The following RPS6KA5 variants were observed in gnomAD, a reference collection of about 807,000 sequenced individuals.
The protein encoded by RPS6KA5 is ribosomal protein S6 kinase A5.
Under a neutral mutation model 85.5 loss-of-function variants are expected in RPS6KA5, and 27 were observed. The ratio of observed to expected loss-of-function variants is 0.32; its 90% CI spans 0.23 to 0.44. RPS6KA5 has a LOEUF of 0.44. Ranked by LOEUF, RPS6KA5 falls within the 20% of genes least tolerant of loss-of-function variation. The probability of loss-of-function intolerance (pLI) is 1.00; values close to 1 mark genes in which losing one functional copy is unlikely to be tolerated. For missense variants in RPS6KA5, 811 were observed against 980.9 expected, an observed-to-expected ratio of 0.83 and a Z score of 2.31; for synonymous variants, 334 against 348.2, an observed-to-expected ratio of 0.96 and a Z score of 0.46.
intron 3 of RPS6KA5, among the ~76,000 whole-genome samples, chr14:90,962,438 G>C (rs2038852720): frequency 6.6e-6 from 1 of 151,790 alleles, no homozygotes; most frequent in Admixed American, 6.6e-5. Context: ...CAAGTAGCTG[G>C]GACTATAGGT....
chr14:90,910,901 C>T (rs911567571), intron 7 of RPS6KA5, among the ~76,000 whole-genome samples: 1 of 151,782 alleles, frequency 6.6e-6, no homozygotes, highest in Non-Finnish European at 1.5e-5. Flanking sequence ...TAGCCAGGAT[C>T]GTCTCGATCT....
chr14:91,041,337 A>G (rs913484406), intron 1 of RPS6KA5, among the ~76,000 whole-genome samples: 8 of 152,254 alleles, frequency 5.3e-5, no homozygotes, highest in Non-Finnish European at 1.2e-4. Flanking sequence ...ATCACAAAAC[A>G]TAAGCTTCTT....
At chr14:90,989,656 C>A (rs762850673) in intron 2 of RPS6KA5, among the ~76,000 whole-genome samples, 1 of 152,088 alleles carries the variant, frequency 6.6e-6, no homozygotes, top group Admixed American at 6.5e-5. Context: ...AAAAGGAAGG[C>A]AGCAGAGAGA....
chr14:90,992,105 T>C (rs763926405), intron 2 of RPS6KA5, among the ~76,000 whole-genome samples: 1 of 152,160 alleles, frequency 6.6e-6, no homozygotes, highest in African/African-American at 2.4e-5. Context: ...AAAAAATTTA[T>C]CTTAAAAAGG....
In RPS6KA5 at chr14:91,030,611, GAAAAAAAAAAAAAAAAA is replaced by G. The variant is rs58737573; in HGVS notation, c.104-29469_104-29453del. 1.4e-4 allele frequency among the ~76,000 whole-genome samples: 3 copies of G among 22,024 alleles called. 1 individual carries two copies. The highest frequency in any genetic ancestry group is 3.9e-4 in the African/African-American group (3 of 7,706). The allele number at this position is 22,024 out of a possible 152,430, so 14.4% of individuals were successfully genotyped here. ...AACATGCAAGACACCAAAATAAACA[GAAAAAAAAAAAAAAAAA>G]AAAAAAAAAAAGGAAGTTCAGAAGA... is the stretch of plus-strand genomic sequence containing the variant. On this transcript the variant is annotated intron_variant, in intron 1 of 16. Transcript: ENST00000614987.
At chr14:90,893,917 T>C (rs2034690992) in intron 13 of RPS6KA5, 2 of 730,818 alleles carry the variant, frequency 2.7e-6, no homozygotes, top group Admixed American at 6.3e-5. Context: ...AGCACGATCA[T>C]AGAAAAGCAC....
chr14:90,960,969 G>A (rs961446247), intron 3 of RPS6KA5, among the ~76,000 whole-genome samples: 8 of 152,128 alleles, frequency 5.3e-5, no homozygotes, highest in Non-Finnish European at 1.2e-4. Context: ...TACACTCCTG[G>A]CTACTGACGT....
intron 12 of RPS6KA5, among the ~76,000 whole-genome samples, chr14:90,895,850 A>T (rs2034809644): frequency 6.6e-6 from 1 of 152,238 alleles, no homozygotes; most frequent in East Asian, 1.9e-4. Context: ...TCACTGTGCC[A>T]CTGCACTCCA....
chr14:90,982,977 G>A (rs1323682996), intron 2 of RPS6KA5, among the ~76,000 whole-genome samples: 1 of 152,132 alleles, frequency 6.6e-6, no homozygotes, highest in Non-Finnish European at 1.5e-5. Context: ...GGCAGGGGTC[G>A]TGGTGGGCAC....
intron 1 of RPS6KA5, among the ~76,000 whole-genome samples, chr14:91,004,178 C>A (rs1487318025): frequency 6.6e-6 from 1 of 152,150 alleles, no homozygotes; most frequent in Non-Finnish European, 1.5e-5. Context: ...CTCCGCCTCC[C>A]GGGTTCACGC....
At chr14:90,999,667 T>C (rs1250504700) in intron 2 of RPS6KA5, among the ~76,000 whole-genome samples, 1 of 152,204 alleles carries the variant, frequency 6.6e-6, no homozygotes, top group African/African-American at 2.4e-5. Context: ...AGAAGCTGCA[T>C]AAATGGCAAG....
chr14:91,025,633 C>T (rs2041962097), intron 1 of RPS6KA5, among the ~76,000 whole-genome samples: 1 of 151,740 alleles, frequency 6.6e-6, no homozygotes, highest in South Asian at 2.1e-4. Flanking sequence ...TCCTTGCTCA[C>T]TGTTAAAGTA....
In RPS6KA5 at chr14:90,868,268, C is replaced by G. The variant is rs1156544386; in HGVS notation, c.*3806G>C. ...CCATTCTTGAGTTTTACAATGTCTC[C>G]TATCCAAACTTCAAATTTCATTAGA... is the stretch of plus-strand genomic sequence containing the variant. On this transcript the variant is annotated 3_prime_UTR_variant, in exon 17 of 17. Coordinates refer to ENST00000614987, the MANE Select transcript of RPS6KA5 (RefSeq NM_004755.4). 1 of 151,974 alleles carries G rather than the reference C, an allele frequency of 6.6e-6. No individual in the cohort carries two copies. Among genetic ancestry groups the G allele is most frequent in the African/African-American group, 2.4e-5 (1 of 41,374 alleles). The allele number at this position is 151,974 out of a possible 1,614,324, so 9.4% of individuals were successfully genotyped here. A position where few individuals can be genotyped will look rare whatever the true frequency, so the allele number is the denominator to read the frequency against.
chr14:90,924,446 C>T lies in RPS6KA5; in HGVS notation c.619-1250G>A, dbSNP rs148129819. On this transcript the variant is annotated intron_variant, in intron 5 of 16. Coordinates refer to ENST00000614987, the MANE Select transcript of RPS6KA5 (RefSeq NM_004755.4). Reference sequence around the variant, plus strand: ...GATGAGATTTGACAGGGGAAGGATGCACCATAAAACATATTCCAGAGTCTC... The same window carrying T: ...GATGAGATTTGACAGGGGAAGGATGTACCATAAAACATATTCCAGAGTCTC... 2.5e-3 allele frequency among the ~76,000 whole-genome samples: 387 copies of T among 152,248 alleles called. 2 individuals carry two copies. Among genetic ancestry groups the T allele is most frequent in the Middle Eastern group, 6.8e-3 (2 of 294 alleles).
intron 2 of RPS6KA5, among the ~76,000 whole-genome samples, chr14:90,989,062 G>C (rs1378490633): frequency 6.6e-6 from 1 of 152,040 alleles, no homozygotes; most frequent in Non-Finnish European, 1.5e-5. Flanking sequence ...CTCTTCTTAT[G>C]AGTAAGTCCT....
intron 3 of RPS6KA5, among the ~76,000 whole-genome samples, chr14:90,953,122 C>G (rs2038299835): frequency 6.6e-6 from 1 of 152,088 alleles, no homozygotes; most frequent in Non-Finnish European, 1.5e-5. Context: ...ATCAGGGACC[C>G]CGAATGGAGG....
rs973103912 is a variant in RPS6KA5, at chr14:90,861,990, A to G, written c.*10084T>C. The G allele has an allele frequency of 6.6e-6, 1 of 152,214 alleles. No individual in the cohort carries two copies. The highest frequency in any genetic ancestry group is 2.4e-5 in the African/African-American group (1 of 41,456). 9.4% of individuals were successfully genotyped at this position (152,214 alleles called of 1,614,324 possible). The stretch of plus-strand genomic sequence containing the variant: ...TGTACCAATTTAAGGCAGCAAGTCA[A>G]AGATACAAGCTGTAATCTTTAAGGT... On this transcript the variant is annotated 3_prime_UTR_variant, in exon 17 of 17. Coordinates refer to ENST00000614987, the MANE Select transcript of RPS6KA5 (RefSeq NM_004755.4).
chr14:91,027,515 T>A (rs1377967890), intron 1 of RPS6KA5, among the ~76,000 whole-genome samples: 3 of 152,146 alleles, frequency 2.0e-5, no homozygotes, highest in Non-Finnish European at 4.4e-5. Flanking sequence ...TCCACAGTCT[T>A]AAAAAAATTC....
intron 1 of RPS6KA5, among the ~76,000 whole-genome samples, chr14:91,038,498 C>T (rs1328001811): frequency 2.0e-5 from 3 of 152,180 alleles, no homozygotes; most frequent in Non-Finnish European, 4.4e-5. Context: ...TGTCTCTCAC[C>T]ACCTTCAGGC....
Sources: gnomAD v4.1 joint callset for allele counts (sites outside exome capture counted in the v4.1 genomes callset) on GRCh38, gnomAD v4.1.1 for gene constraint, MANE v1.5 for transcripts, NCBI Gene and HGNC (gene_info 2026-07-23, HGNC 2026-07-21) for gene names.